The following SLC30A4 variants were observed in gnomAD, a reference collection of about 807,000 sequenced individuals.
SLC30A4 encodes the protein solute carrier family 30 member 4, also known as probable proton-coupled zinc antiporter SLC30A4.
SLC30A4 carries 20 observed loss-of-function variants against 41.7 expected under a neutral mutation model. The observed-to-expected ratio is 0.48, with a 90% CI of 0.34 to 0.70. The LOEUF (loss-of-function observed/expected upper bound fraction) is 0.70. Ranked by LOEUF, SLC30A4 falls within the 30% of genes least tolerant of loss-of-function variation. The pLI, the probability that SLC30A4 is intolerant of heterozygous loss-of-function variation, is 0.01. For missense variants in SLC30A4, 441 were observed against 529.3 expected (o/e 0.83, Z 1.64); for synonymous variants, 181 against 195.9 (o/e 0.92, Z 0.64).
chr15:45,493,428 T>C (rs1529353), intron 3 of SLC30A4, among the ~76,000 whole-genome samples: 12,848 of 152,216 alleles, frequency 0.084, 1,797 homozygotes, highest in African/African-American at 0.29. Flanking sequence ...GTTGGTTAAG[T>C]ATATTGGACT....
chr15:45,486,576 C>A, intron 7 of SLC30A4, 35 bp downstream of exon 7: 1 of 1,536,490 alleles, frequency 6.5e-7, no homozygotes, highest in South Asian at 1.3e-5. Flanking sequence ...AGAAGTCCAC[C>A]AACCCCAGGC....
intron 3 of SLC30A4, among the ~76,000 whole-genome samples, chr15:45,508,268 A>ATG (rs1892202260): frequency 6.6e-6 from 1 of 152,214 alleles, no homozygotes; most frequent in African/African-American, 2.4e-5. Context: ...CAACTTCCAC[A>ATG]CTAATTCTTA....
rs777105632 is a variant in SLC30A4, at chr15:45,487,652, A to C, written c.895-20T>G. Reference sequence around the variant, plus strand: ...TTCTGGCTAAAGGGTAATAGATCAAAATTTATGATTAAATAGACAAATATA... The same window carrying C: ...TTCTGGCTAAAGGGTAATAGATCAACATTTATGATTAAATAGACAAATATA... On this transcript the variant is annotated intron_variant, in intron 5 of 7. Coordinates refer to ENST00000261867, the MANE Select transcript of SLC30A4 (RefSeq NM_013309.6). 2.9e-5 allele frequency: 33 copies of C among 1,123,256 alleles called. No individual in the cohort carries two copies. The highest frequency in any genetic ancestry group is 5.4e-6 in the Non-Finnish European group (4 of 738,854). The allele number at this position is 1,123,256 out of a possible 1,614,324, so 69.6% of individuals were successfully genotyped here. A position where few individuals can be genotyped will look rare whatever the true frequency, so the allele number is the denominator to read the frequency against.
intron 2 of SLC30A4, chr15:45,515,904 C>T (rs1892457582): frequency 6.6e-6 from 1 of 152,010 alleles, no homozygotes; most frequent in African/African-American, 2.4e-5. Context: ...TAAGCACCAC[C>T]ATGCCCTACT....
chr15:45,485,109 C>G lies in SLC30A4; in HGVS notation c.*54G>C. On this transcript the variant is annotated 3_prime_UTR_variant, in exon 8 of 8. Coordinates refer to ENST00000261867, the MANE Select transcript of SLC30A4 (RefSeq NM_013309.6). ...CTCATTTAGGTTTGCATTTATTGCT[C>G]TCAAGTCTGTGACTGCAGGATAAAT... The G allele has an allele frequency of 6.9e-7, 1 of 1,455,926 alleles. No homozygotes were observed. The highest frequency in any genetic ancestry group is 2.3e-5 in the East Asian group (1 of 43,510). The allele number at this position is 1,455,926 out of a possible 1,614,324, so 90.2% of individuals were successfully genotyped here. A position where few individuals can be genotyped will look rare whatever the true frequency, so the allele number is the denominator to read the frequency against.
chr15:45,494,501 A>G (rs1363821917), intron 3 of SLC30A4, among the ~76,000 whole-genome samples: 1 of 152,148 alleles, frequency 6.6e-6, no homozygotes, highest in Non-Finnish European at 1.5e-5. Flanking sequence ...CCTGGCCAAC[A>G]TGGCAAAACC....
chr15:45,506,244 T>C (rs1892154550), intron 3 of SLC30A4, among the ~76,000 whole-genome samples: 1 of 152,080 alleles, frequency 6.6e-6, no homozygotes, highest in Non-Finnish European at 1.5e-5. Context: ...TAAAATAAAA[T>C]TTGACTTTTG....
At position 45,511,198 on chromosome 15, in the gene SLC30A4, C is replaced by G. The variant is rs764217711; in HGVS notation, c.478G>C (p.Ala160Pro). The G allele has an allele frequency of 6.2e-7, 1 of 1,613,692 alleles. No individual in the cohort carries two copies. Among genetic ancestry groups the G allele is most frequent in the Non-Finnish European group, 8.5e-7 (1 of 1,179,758 alleles). ...DLSAIILTLL[A>P]LWLSSKSPTK... Reference sequence around the variant, plus strand: ...GGTGATTTTGATGATAGCCACAAAGCAAGCAGGGTGAGTATGATGGCGCTT... The same window carrying G: ...GGTGATTTTGATGATAGCCACAAAGGAAGCAGGGTGAGTATGATGGCGCTT... The change falls in exon 3 of 8, where the codon GCT (alanine) becomes CCT (proline). Residue 160 changes from alanine to proline, a missense_variant. Ala to Pro is a conservative substitution (Grantham distance 27, BLOSUM62 -1). This residue lies in a region of SLC30A4 where 312 missense variants were observed against 341.9 expected (regional missense o/e 0.91). Coordinates refer to ENST00000261867, the MANE Select transcript of SLC30A4 (RefSeq NM_013309.6).
intron 4 of SLC30A4, among the ~76,000 whole-genome samples, chr15:45,490,097 T>C (rs1262039571): frequency 6.6e-6 from 1 of 152,164 alleles, no homozygotes; most frequent in Non-Finnish European, 1.5e-5. Flanking sequence ...TTATTTTTTG[T>C]TTGTTTGTTT....
At chr15:45,509,211 T>C (rs1892223994) in intron 3 of SLC30A4, among the ~76,000 whole-genome samples, 1 of 151,976 alleles carries the variant, frequency 6.6e-6, no homozygotes, top group South Asian at 2.1e-4. Context: ...CTATATAATA[T>C]GTTGAGAAGC....
intron 5 of SLC30A4, 76 bp from the exon 6 acceptor site, chr15:45,487,708 G>C (rs113121029): frequency 2.9e-6 from 2 of 694,826 alleles, no homozygotes; most frequent in Non-Finnish European, 2.6e-6. Flanking sequence ...CAAGGAATAT[G>C]TCCCTTCTTG....
At chr15:45,486,204 G>A (rs1168392952) in intron 7 of SLC30A4, among the ~76,000 whole-genome samples, 2 of 151,638 alleles carry the variant, frequency 1.3e-5, no homozygotes, top group African/African-American at 4.8e-5. Context: ...TGTATTTTTA[G>A]TAGAGACGGG....
In SLC30A4 at chr15:45,480,930, A is replaced by G. The variant is rs896605529; in HGVS notation, c.*4233T>C. On this transcript the variant is annotated 3_prime_UTR_variant, in exon 8 of 8. Coordinates refer to ENST00000261867, the MANE Select transcript of SLC30A4 (RefSeq NM_013309.6). ...GTGTGCAGAGAAATCTGGATCTGGAACAACCAGCCATTTTAAAAAGGTTCT... is the reference window on the plus strand; with the variant it reads ...GTGTGCAGAGAAATCTGGATCTGGAGCAACCAGCCATTTTAAAAAGGTTCT... The G allele has an allele frequency of 6.6e-6, 1 of 152,242 alleles. No individual in the cohort carries two copies. Among genetic ancestry groups the G allele is most frequent in the African/African-American group, 2.4e-5 (1 of 41,454 alleles). The allele number at this position is 152,242 out of a possible 1,614,324, so 9.4% of individuals were successfully genotyped here.
chr15:45,505,615 T>C (rs1299949076), intron 3 of SLC30A4, among the ~76,000 whole-genome samples: 2 of 152,216 alleles, frequency 1.3e-5, no homozygotes, highest in Non-Finnish European at 2.9e-5. Context: ...CAGAAGCTTC[T>C]ATGTACTGTT....
In SLC30A4 at chr15:45,487,541, A is replaced by G. The variant is rs1891728360; in HGVS notation, c.986T>C (p.Val329Ala). The change falls in exon 6 of 8, where the codon GTT (valine) becomes GCT (alanine). Residue 329 changes from valine (V) to alanine (A), a missense_variant. Physicochemically the swap from Val to Ala is moderately conservative, Grantham distance 64 (BLOSUM62 0). This residue lies in a region of SLC30A4 where 100 missense variants were observed against 121.0 expected (regional missense o/e 0.83). Coordinates refer to ENST00000261867, the MANE Select transcript of SLC30A4 (RefSeq NM_013309.6). ...TTFRIIWDTV[V>A]IILEGVPSHL... ...TGAGATCTTACCTTCTAGTATTATA[A>G]CTACTGTATCCCATATGATTCGAAA... 6.8e-7 allele frequency: 1 copy of G among 1,475,104 alleles called. No individual in the cohort carries two copies. Among genetic ancestry groups the G allele is most frequent in the Non-Finnish European group, 9.5e-7 (1 of 1,054,600 alleles). 91.4% of individuals were successfully genotyped at this position (1,475,104 alleles called of 1,614,324 possible). A position where few individuals can be genotyped will look rare whatever the true frequency, so the allele number is the denominator to read the frequency against.
At position 45,484,610 on chromosome 15, in the gene SLC30A4, T is replaced by A. The variant is rs977199712; in HGVS notation, c.*553A>T. 2.0e-5 allele frequency: 3 copies of A among 152,320 alleles called. No homozygotes were observed. The highest frequency in any genetic ancestry group is 7.2e-5 in the African/African-American group (3 of 41,468). The allele number at this position is 152,320 out of a possible 1,614,324, so 9.4% of individuals were successfully genotyped here. ...ATCATAACAATAACATTAAGACTTA[T>A]GTGTGAAATAAAACATTTCTGAAAC... On this transcript the variant is annotated 3_prime_UTR_variant, in exon 8 of 8. Coordinates refer to ENST00000261867, the MANE Select transcript of SLC30A4 (RefSeq NM_013309.6).
intron 2 of SLC30A4, among the ~76,000 whole-genome samples, chr15:45,516,554 C>CT (rs113083795): frequency 6.6e-6 from 1 of 151,904 alleles, no homozygotes; most frequent in Non-Finnish European, 1.5e-5. Context: ...GAATTTATAT[C>CT]TTTTTTTAAA....
chr15:45,488,614 T>C (rs1891751450), intron 5 of SLC30A4, among the ~76,000 whole-genome samples: 1 of 151,954 alleles, frequency 6.6e-6, no homozygotes, highest in Non-Finnish European at 1.5e-5. Flanking sequence ...AATTGATTTA[T>C]CCAGTGAAGG....
At chr15:45,497,539 T>C (rs533150307) in intron 3 of SLC30A4, among the ~76,000 whole-genome samples, 33 of 152,166 alleles carry the variant, frequency 2.2e-4, no homozygotes, top group Non-Finnish European at 4.1e-4. Flanking sequence ...CAAATGTTTA[T>C]AGTCAATGAT....
Sources: gnomAD v4.1 joint callset for allele counts (sites outside exome capture counted in the v4.1 genomes callset) on GRCh38, gnomAD v4.1.1 for gene constraint, gnomAD v4.1.1 regional missense constraint, MANE v1.5 for transcripts, NCBI Gene and HGNC (gene_info 2026-07-23, HGNC 2026-07-21) for gene names.